Variants in WWOX observed in about 807,000 individuals in gnomAD.
WWOX encodes the protein WW domain containing oxidoreductase.
In WWOX, 69 loss-of-function variants were observed where a neutral mutation model predicts 46.2. The observed-to-expected ratio is 1.49, with a 90% CI of 1.23 to 1.82. The LOEUF (loss-of-function observed/expected upper bound fraction) is 1.82, where lower values mean the gene tolerates loss of function less well. WWOX is among the 40% of genes most tolerant of loss of function. WWOX has a pLI of 0.00. For synonymous variants in WWOX, 359 were observed against 202.6 expected (o/e 1.77, Z -6.56); for missense variants, 919 against 542.6 (o/e 1.69, Z -6.89).
intron 6 of WWOX, 104 bp from the exon 7 acceptor site, chr16:78,424,766 G>A (rs1304263587): frequency 7.9e-7 from 1 of 1,266,114 alleles, no homozygotes; most frequent in African/African-American, 1.5e-5. Flanking sequence ...GATTATCCTT[G>A]GTTGTAGTGT....
intron 8 of WWOX, among the ~76,000 whole-genome samples, chr16:78,513,562 T>C (rs2085414643): frequency 6.6e-6 from 1 of 152,212 alleles, no homozygotes; most frequent in Admixed American, 6.5e-5. Context: ...AGTTAACCTT[T>C]TGGTGAAGGA....
At chr16:78,201,876 T>C (rs2036241360) in intron 5 of WWOX, among the ~76,000 whole-genome samples, 1 of 151,964 alleles carries the variant, frequency 6.6e-6, no homozygotes, top group East Asian at 1.9e-4. Context: ...ATTTTTTGTA[T>C]TTTTAGTAGA....
chr16:78,739,592 C>G (rs1002290042), intron 8 of WWOX, among the ~76,000 whole-genome samples: 2 of 152,134 alleles, frequency 1.3e-5, no homozygotes, highest in African/African-American at 4.8e-5. Flanking sequence ...AGATAAATCA[C>G]CTGAGGTTAG....
chr16:78,866,235 A>T (rs2044000355), intron 8 of WWOX, among the ~76,000 whole-genome samples: 1 of 152,108 alleles, frequency 6.6e-6, no homozygotes, highest in African/African-American at 2.4e-5. Context: ...GATATAAATC[A>T]GAGCCCGCAG....
chr16:78,602,665 G>T (rs924876559), intron 8 of WWOX, among the ~76,000 whole-genome samples: 2 of 152,154 alleles, frequency 1.3e-5, no homozygotes, highest in African/African-American at 2.4e-5. Context: ...TGGTTACTCT[G>T]TTCTGATCAT....
intron 8 of WWOX, among the ~76,000 whole-genome samples, chr16:78,575,056 T>TATATATAA (rs2044836827): frequency 6.1e-5 from 1 of 16,454 alleles, no homozygotes; most frequent in Non-Finnish European, 1.2e-4. Context: ...TATATATATA[T>TATATATAA]ATATATATAT....
intron 8 of WWOX, among the ~76,000 whole-genome samples, chr16:79,047,330 A>G (rs1478381500): frequency 6.6e-6 from 1 of 152,188 alleles, no homozygotes; most frequent in African/African-American, 2.4e-5. Flanking sequence ...CTTGAGCCGC[A>G]ATGCTGAAAA....
intron 8 of WWOX, among the ~76,000 whole-genome samples, chr16:78,615,586 G>A (rs2046003069): frequency 6.6e-6 from 1 of 152,014 alleles, no homozygotes; most frequent in African/African-American, 2.4e-5. Context: ...GAGCCCAGGA[G>A]TTGGAGGTTG....
At chr16:78,768,287 A>ACAAAAAAAAC (rs1481214164) in intron 8 of WWOX, among the ~76,000 whole-genome samples, 3 of 150,152 alleles carry the variant, frequency 2.0e-5, no homozygotes, top group African/African-American at 7.3e-5. Context: ...GTTAAAAAAA[A>ACAAAAAAAAC]AAAAAAAAAA....
At chr16:79,020,725 A>C (rs2047516295) in intron 8 of WWOX, among the ~76,000 whole-genome samples, 2 of 152,202 alleles carry the variant, frequency 1.3e-5, no homozygotes, top group South Asian at 4.1e-4. Flanking sequence ...TACAGATGCA[A>C]GGGGAAGGGT....
chr16:78,377,516 C>T (rs962942711), intron 5 of WWOX, among the ~76,000 whole-genome samples: 11 of 152,284 alleles, frequency 7.2e-5, no homozygotes, highest in African/African-American at 1.7e-4. Flanking sequence ...TCATCACTTA[C>T]ATTAGAATGA....
At chr16:78,856,648 G>T (rs892747296) in intron 8 of WWOX, among the ~76,000 whole-genome samples, 2 of 152,074 alleles carry the variant, frequency 1.3e-5, no homozygotes, top group African/African-American at 2.4e-5. Context: ...GTCTCAGAAA[G>T]AGGAAAGAAA....
In WWOX at chr16:78,841,602, G is replaced by A. The variant is rs1039844951; in HGVS notation, c.1057-370006G>A. ...TGTAATGCTGCTTTCAAAATGTTAA[G>A]TATTATGAGAATACATTAACAAAAC... On this transcript the variant is annotated intron_variant, in intron 8 of 8. Transcript: ENST00000566780. Among the ~76,000 whole-genome samples, 15 of 152,274 alleles carry A rather than the reference G, an allele frequency of 9.9e-5. 1 individual carries two copies. The highest frequency in any genetic ancestry group is 8.5e-4 in the Admixed American group (13 of 15,304).
chr16:78,866,620 C>T (rs2044009560), intron 8 of WWOX, among the ~76,000 whole-genome samples: 1 of 152,202 alleles, frequency 6.6e-6, no homozygotes, highest in Non-Finnish European at 1.5e-5. Flanking sequence ...GGTGCATCCC[C>T]TGTGAGCCTA....
chr16:78,112,329 TA>T (rs1236262229), intron 3 of WWOX, among the ~76,000 whole-genome samples: 2 of 152,220 alleles, frequency 1.3e-5, no homozygotes, highest in Non-Finnish European at 2.9e-5. Context: ...TTTTCATAGA[TA>T]CCACTGACAC....
chr16:78,576,904 C>G (rs773727371), intron 8 of WWOX, among the ~76,000 whole-genome samples: 2 of 152,194 alleles, frequency 1.3e-5, no homozygotes, highest in Non-Finnish European at 2.9e-5. Context: ...TCTTTGCCAT[C>G]CCCACACTAC....
intron 5 of WWOX, among the ~76,000 whole-genome samples, chr16:78,191,072 T>G (rs1318649553): frequency 1.3e-5 from 2 of 152,172 alleles, no homozygotes; most frequent in Non-Finnish European, 2.9e-5. Flanking sequence ...TTATGAGCCC[T>G]CTTTCCAACC....
At chr16:78,905,149 A>C (rs1024682366) in intron 8 of WWOX, among the ~76,000 whole-genome samples, 2 of 152,146 alleles carry the variant, frequency 1.3e-5, no homozygotes, top group Non-Finnish European at 2.9e-5. Flanking sequence ...CTGACCCTCT[A>C]TGAGGGGTTA....
At position 78,814,621 on chromosome 16, in the gene WWOX, T is replaced by C. The variant is rs146607578; in HGVS notation, c.1056+381869T>C. Among the ~76,000 whole-genome samples, 633 of 152,314 alleles carry C rather than the reference T, an allele frequency of 4.2e-3. 3 individuals carry two copies. Among genetic ancestry groups the C allele is most frequent in the Middle Eastern group, 6.8e-3 (2 of 294 alleles). On this transcript the variant is annotated intron_variant, in intron 8 of 8. Coordinates refer to ENST00000566780, the MANE Select transcript of WWOX (RefSeq NM_016373.4). ...CAAGATGTATCCTTTGTGGATTACA[T>C]TGGTTCTTTTCTATGGAATCATGCA... is the stretch of plus-strand genomic sequence containing the variant.
Sources: allele counts gnomAD v4.1 joint callset (sites outside exome capture counted in the v4.1 genomes callset), GRCh38; gene constraint gnomAD v4.1.1; transcripts MANE v1.5; gene names NCBI Gene and HGNC (gene_info 2026-07-23, HGNC 2026-07-21).